CACNA1E: variants seen among roughly 807,000 people sequenced by gnomAD.
CACNA1E encodes the protein calcium voltage-gated channel subunit alpha1 E, also known as voltage-dependent R-type calcium channel subunit alpha-1E.
Under a neutral mutation model 259.2 loss-of-function variants are expected in CACNA1E, and 40 were observed. The observed-to-expected ratio is 0.15, with a 90% CI of 0.12 to 0.20. The LOEUF is 0.20. CACNA1E is among the 10% of genes least tolerant of loss of function. The pLI, the probability that CACNA1E is intolerant of heterozygous loss-of-function variation, is 1.00. For missense variants in CACNA1E, 1,874 were observed against 3,040.1 expected (o/e 0.62, Z 9.02); for synonymous variants, 1,104 against 1,138.5 (o/e 0.97, Z 0.61).
At chr1:181,728,894 C>T (rs1655181673) in intron 18 of CACNA1E, among the ~76,000 whole-genome samples, 1 of 126,998 alleles carries the variant, frequency 7.9e-6, no homozygotes, top group Non-Finnish European at 1.7e-5. Context: ...GTGCCCTGCT[C>T]AGCTGTGTGT....
At chr1:181,427,196 C>T (rs936789613) in intron 2 of CACNA1E, among the ~76,000 whole-genome samples, 3 of 151,796 alleles carry the variant, frequency 2.0e-5, no homozygotes, top group African/African-American at 7.3e-5. Context: ...ACCCTCTCCC[C>T]ATCTCAAGCC....
At chr1:181,469,542 C>T (rs1364073330) in intron 2 of CACNA1E, among the ~76,000 whole-genome samples, 1 of 151,956 alleles carries the variant, frequency 6.6e-6, no homozygotes, top group Admixed American at 6.5e-5. Flanking sequence ...TACCAGACAA[C>T]AACAAAAACA....
chr1:181,618,501 G>A (rs1426350119), intron 6 of CACNA1E, among the ~76,000 whole-genome samples: 1 of 152,170 alleles, frequency 6.6e-6, no homozygotes, highest in Admixed American at 6.5e-5. Context: ...GGAGGTGGAG[G>A]TTTCAGTGAG....
chr1:181,619,238 A>G (rs1448916469), intron 6 of CACNA1E, among the ~76,000 whole-genome samples: 1 of 131,826 alleles, frequency 7.6e-6, no homozygotes, highest in Non-Finnish European at 1.6e-5. Flanking sequence ...TGGGGTAGTT[A>G]GGAAAGGCCT....
At chr1:181,780,870 A>C (rs1355686425) in intron 38 of CACNA1E, among the ~76,000 whole-genome samples, 1 of 152,038 alleles carries the variant, frequency 6.6e-6, no homozygotes, top group African/African-American at 2.4e-5. Flanking sequence ...CACACACACC[A>C]GAGGGGGGAT....
At chr1:181,641,007 G>T (rs1190056106) in intron 6 of CACNA1E, among the ~76,000 whole-genome samples, 6 of 152,200 alleles carry the variant, frequency 3.9e-5, no homozygotes, top group Non-Finnish European at 7.3e-5. Flanking sequence ...GCAAATAAAT[G>T]CCTGAGTGCA....
chr1:181,331,326 G>A (rs1050451062), intron 1 of CACNA1E, among the ~76,000 whole-genome samples: 8 of 152,126 alleles, frequency 5.3e-5, no homozygotes, highest in Admixed American at 3.3e-4. Context: ...CCCATCACAG[G>A]CCATTTGTAA....
In CACNA1E at chr1:181,519,989, A is replaced by G. The variant is rs938889036; in HGVS notation, c.512+8479A>G. ...AACTTCATTTATGAAGTGAAGGTAA[A>G]ACCTGCTGTAGCTACCTCCACCAGG... is the stretch of plus-strand genomic sequence containing the variant. On this transcript the variant is annotated intron_variant, in intron 3 of 47. Coordinates refer to ENST00000367573, the MANE Select transcript of CACNA1E (RefSeq NM_001205293.3). Among the ~76,000 whole-genome samples the G allele has an allele frequency of 3.9e-5, 6 of 152,224 alleles. No homozygotes were observed. The South Asian group carries it at 1.2e-3, about 32-fold the overall frequency.
At chr1:181,566,662 T>C (rs10910962) in intron 3 of CACNA1E, among the ~76,000 whole-genome samples, 35,501 of 152,144 alleles carry the variant, frequency 0.23, 4,769 homozygotes, top group Admixed American at 0.32. Context: ...CCAAGCTTCA[T>C]GCTCTGAGGA....
In CACNA1E at chr1:181,805,048, A is replaced by G. The variant is rs980570458; in HGVS notation, c.*6214A>G. 3.3e-5 allele frequency: 5 copies of G among 151,904 alleles called. No homozygotes were observed. Among genetic ancestry groups the G allele is most frequent in the African/African-American group, 1.2e-4 (5 of 41,380 alleles). 9.4% of individuals were successfully genotyped at this position (151,904 alleles called of 1,614,324 possible). A position where few individuals can be genotyped will look rare whatever the true frequency, so the allele number is the denominator to read the frequency against. On this transcript the variant is annotated 3_prime_UTR_variant, in exon 48 of 48. Transcript: ENST00000367573. ...ACCAGTCATAGATTGTCACCCAGAC[A>G]TATTCTCCAACCCAGCATTGGAAAT... is the stretch of plus-strand genomic sequence containing the variant.
chr1:181,594,259 A>T (rs890308793), intron 6 of CACNA1E, among the ~76,000 whole-genome samples: 8 of 152,198 alleles, frequency 5.3e-5, no homozygotes, highest in African/African-American at 1.9e-4. Context: ...CATTCTAGTG[A>T]TACTGAGATT....
chr1:181,720,884 G>T, intron 15 of CACNA1E, 29 bp downstream of exon 15: 1 of 1,433,018 alleles, frequency 7.0e-7, no homozygotes, highest in Non-Finnish European at 9.8e-7. Flanking sequence ...GTTCACAAGT[G>T]CTGCATGGGG....
intron 1 of CACNA1E, among the ~76,000 whole-genome samples, chr1:181,404,727 C>T (rs1657343698): frequency 6.6e-6 from 1 of 152,196 alleles, no homozygotes; most frequent in Non-Finnish European, 1.5e-5. Flanking sequence ...CTTCTTTGAA[C>T]TTCCCACGTG....
At chr1:181,751,514 C>T (rs1001363866) in intron 26 of CACNA1E, among the ~76,000 whole-genome samples, 1 of 152,188 alleles carries the variant, frequency 6.6e-6, no homozygotes, top group East Asian at 1.9e-4. Flanking sequence ...GCCTGCATGA[C>T]ATGCTTTCTC....
intron 3 of CACNA1E, among the ~76,000 whole-genome samples, chr1:181,552,623 T>C (rs1172540107): frequency 6.6e-6 from 1 of 152,200 alleles, no homozygotes; most frequent in Non-Finnish European, 1.5e-5. Flanking sequence ...AAAGCTGCTC[T>C]AAACATTTTT....
chr1:181,792,006 C>T (rs1661360262), intron 44 of CACNA1E, among the ~76,000 whole-genome samples: 1 of 152,222 alleles, frequency 6.6e-6, no homozygotes, highest in Admixed American at 6.5e-5. Context: ...GCCCCCAGGG[C>T]TGAGCAATTG....
rs928083480 is a variant in CACNA1E at position 181,392,614 on chromosome 1, C to T, written c.-14-20519C>T. On this transcript the variant is annotated intron_variant, in intron 1 of 11. Transcript: ENST00000524607. ...CTGTGGAAGGGAAATGTATTCAGTC[C>T]TAAAGATCAAGTAGTCAGTGTTCAA... Among the ~76,000 whole-genome samples the T allele has an allele frequency of 3.9e-5, 6 of 152,122 alleles. No homozygotes were observed. The East Asian group carries it at 5.8e-4, about 15-fold the overall frequency.
chr1:181,344,399 C>G (rs572838578), intron 1 of CACNA1E, among the ~76,000 whole-genome samples: 7 of 152,322 alleles, frequency 4.6e-5, no homozygotes, highest in African/African-American at 1.7e-4. Flanking sequence ...AAGGCTAAGG[C>G]AAACCCTTGG....
chr1:181,392,323 A>C (rs1233695239), intron 1 of CACNA1E, among the ~76,000 whole-genome samples: 1 of 152,182 alleles, frequency 6.6e-6, no homozygotes, highest in Non-Finnish European at 1.5e-5. Flanking sequence ...TCATTCTTCA[A>C]GAATGGTTCA....
Sources: allele counts gnomAD v4.1 joint callset (sites outside exome capture counted in the v4.1 genomes callset), GRCh38; gene constraint gnomAD v4.1.1; transcripts MANE v1.5; gene names NCBI Gene and HGNC (gene_info 2026-07-23, HGNC 2026-07-21).